Variants in ANAPC1 observed in about 807,000 individuals in gnomAD.
ANAPC1 encodes the protein anaphase promoting complex subunit 1.
In ANAPC1, 36 loss-of-function variants were observed where a neutral mutation model predicts 208.0. The observed-to-expected ratio is 0.17, with a 90% CI of 0.13 to 0.23. The LOEUF (loss-of-function observed/expected upper bound fraction) is 0.23, where lower values mean the gene tolerates loss of function less well. ANAPC1 is among the 10% of genes least tolerant of loss of function. The pLI is 1.00. For missense variants in ANAPC1, 942 were observed against 2,011.6 expected (o/e 0.47, Z 10.17); for synonymous variants, 378 against 695.2 (o/e 0.54, Z 7.18).
At chr2:111,859,471 C>CAATAAATA (rs369277541) in intron 10 of ANAPC1, among the ~76,000 whole-genome samples, 147 of 151,136 alleles carry the variant, frequency 9.7e-4, no homozygotes, top group African/African-American at 3.4e-3. Context: ...AACTCTATCT[C>CAATAAATA]AATAAATAAA....
rs960234351 is a variant in ANAPC1, at chr2:111,844,459, C to T, written c.1853-860G>A. On this transcript the variant is annotated intron_variant, in intron 16 of 47. Transcript: ENST00000341068. ...TGGCAGGCACCTGTAATCCCAGCTA[C>T]TCAGGAGGCTGAGGCAGGAGAATCG... 4.0e-5 allele frequency among the ~76,000 whole-genome samples: 6 copies of T among 151,656 alleles called. No homozygotes were observed. The South Asian group carries it at 1.0e-3, about 26-fold the overall frequency.
Position 111,809,197 on chromosome 2 carries a change from AACAAAT to A in ANAPC1, c.3598-22_3598-17del. ...TTTCATGGCCCTAAGATAGAAACAA[AACAAAT>A]ACATAGTTTAAAATAAAATACTGCC... On this transcript the variant is annotated splice_polypyrimidine_tract_variant and intron_variant, in intron 28 of 47. Transcript: ENST00000341068. 1 of 1,580,616 alleles carries A rather than the reference AACAAAT, an allele frequency of 6.3e-7. No individual in the cohort carries two copies. Among genetic ancestry groups the A allele is most frequent in the African/African-American group, 1.4e-5 (1 of 69,884 alleles).
intron 3 of ANAPC1, among the ~76,000 whole-genome samples, chr2:111,878,492 T>A (rs1683130268): frequency 6.6e-6 from 1 of 152,228 alleles, no homozygotes; most frequent in African/African-American, 2.4e-5. Context: ...ATAGTAATCA[T>A]GTGTTAAAAT....
chr2:111,798,258 C>A (rs945423380), intron 34 of ANAPC1, among the ~76,000 whole-genome samples: 8 of 151,912 alleles, frequency 5.3e-5, no homozygotes, highest in Middle Eastern at 3.4e-3. Flanking sequence ...AATCTGATTC[C>A]AAGTAAATTA....
At position 111,823,000 on chromosome 2, in the gene ANAPC1, C is replaced by CTTT. The variant is rs58815496; in HGVS notation, c.2813-403_2813-401dup. Among the ~76,000 whole-genome samples, 21 of 61,304 alleles carry CTTT rather than the reference C, an allele frequency of 3.4e-4. 2 individuals carry two copies. The highest frequency in any genetic ancestry group is 9.9e-4 in the African/African-American group (14 of 14,086). The allele number at this position is 61,304 out of a possible 152,430, so 40.2% of individuals were successfully genotyped here. A position where few individuals can be genotyped will look rare whatever the true frequency, so the allele number is the denominator to read the frequency against. Reference sequence around the variant, plus strand: ...TAGAGCAATAATAATTCTTTTTATTCTTTTTTTTTTTTTTTTTTTTTTTTT... The same window carrying CTTT: ...TAGAGCAATAATAATTCTTTTTATTCTTTTTTTTTTTTTTTTTTTTTTTTTTTT... On this transcript the variant is annotated intron_variant, in intron 24 of 47. Transcript: ENST00000341068.
Position 111,831,362 on chromosome 2 carries a change from G to C in ANAPC1, c.2549C>G (p.Ser850Cys). 1 of 1,611,810 alleles carries C rather than the reference G, an allele frequency of 6.2e-7. No homozygotes were observed. The part of the protein sequence containing the change: ...EPPSIYQWVS[S>C]CLKGEGMPPY... ...TGGCATTCCTTCACCCTTCAGACAA[G>C]AACTCACCCACTGATAAATACTTGG... The change falls in exon 21 of 48, where the codon TCT becomes TGT. Residue 850 changes from serine (S) to cysteine (C), a missense_variant. Physicochemically the swap from Ser to Cys is moderately radical, Grantham distance 112 (BLOSUM62 -1). Transcript: ENST00000341068.
intron 21 of ANAPC1, among the ~76,000 whole-genome samples, chr2:111,830,373 A>C (rs1468849381): frequency 6.6e-6 from 1 of 152,106 alleles, no homozygotes. Flanking sequence ...ACATGTTATA[A>C]AAGATTAACA....
Position 111,864,741 on chromosome 2 carries a change from G to A in ANAPC1, c.831+65C>T, listed in dbSNP as rs191035017. ...GCCTCCCAAAATGCTAGGATTACAG[G>A]TGTGAGCCAGTGCACCCAGCCTACC... On this transcript the variant is annotated intron_variant, in intron 8 of 47. Transcript: ENST00000341068. The A allele has an allele frequency of 2.5e-6, 4 of 1,603,482 alleles. No homozygotes were observed. In the African/African-American group the frequency reaches 4.0e-5, roughly 16 times the overall value.
At position 111,879,006 on chromosome 2, in the gene ANAPC1, A is replaced by G. The variant is rs373388877; in HGVS notation, c.214-35T>C. On this transcript the variant is annotated intron_variant, in intron 2 of 47. Coordinates refer to ENST00000341068, the MANE Select transcript of ANAPC1 (RefSeq NM_022662.4). Reference sequence around the variant, plus strand: ...TAACACATGTAAAACATATTCAAGCACTCTTTTTTTGTTCTTCAAAAATCT... The same window carrying G: ...TAACACATGTAAAACATATTCAAGCGCTCTTTTTTTGTTCTTCAAAAATCT... 9.4e-5 allele frequency: 148 copies of G among 1,581,424 alleles called. No homozygotes were observed. The East Asian group carries it at 2.9e-3, about 31-fold the overall frequency.
chr2:111,845,444 A>T (rs770317492), intron 16 of ANAPC1, among the ~76,000 whole-genome samples: 4 of 152,132 alleles, frequency 2.6e-5, no homozygotes, highest in Non-Finnish European at 4.4e-5. Context: ...ATACCAAATA[A>T]CCAAGTATGT....
rs1573473408 is a variant in ANAPC1 at position 111,856,594 on chromosome 2, A to C, written c.1515+20T>G. ...AGCCTGAAGTCCTACTAAAGGCATGAAGTGCTACTTATTGCTTACCCGAAC... is the reference window on the plus strand; with the variant it reads ...AGCCTGAAGTCCTACTAAAGGCATGCAGTGCTACTTATTGCTTACCCGAAC... On this transcript the variant is annotated intron_variant, in intron 13 of 47. Coordinates refer to ENST00000341068, the MANE Select transcript of ANAPC1 (RefSeq NM_022662.4). The C allele has an allele frequency of 6.2e-7, 1 of 1,605,672 alleles. No individual in the cohort carries two copies. Among genetic ancestry groups the C allele is most frequent in the South Asian group, 1.1e-5 (1 of 90,676 alleles).
chr2:111,831,577 C>T (rs1346075305), intron 20 of ANAPC1, 143 bp from the exon 21 acceptor site: 10 of 761,754 alleles, frequency 1.3e-5, no homozygotes, highest in South Asian at 3.7e-5. Flanking sequence ...CAGTGGCTCA[C>T]GCCTGTAACC....
intron 21 of ANAPC1, 48 bp downstream of exon 21, chr2:111,831,238 A>C: frequency 1.3e-6 from 2 of 1,544,710 alleles, no homozygotes; most frequent in South Asian, 1.3e-5. Flanking sequence ...TTTTAAAACT[A>C]AATTTTAAAA....
rs59936647 is a variant in ANAPC1 at position 111,776,295 on chromosome 2, G to A, written c.5584+564C>T. ...TTTCCATAAATCTAAAGGCCCCATC[G>A]CTTGCCTCATGTAAGTCAGAATCAC... On this transcript the variant is annotated intron_variant, in intron 46 of 47. Coordinates refer to ENST00000341068, the MANE Select transcript of ANAPC1 (RefSeq NM_022662.4). Among the ~76,000 whole-genome samples the A allele has an allele frequency of 4.8e-3, 726 of 150,742 alleles. 22 individuals carry two copies. In the East Asian group the frequency reaches 0.08, roughly 17 times the overall value.
intron 1 of ANAPC1, among the ~76,000 whole-genome samples, chr2:111,883,268 A>C (rs1484414909): frequency 6.6e-6 from 1 of 151,642 alleles, no homozygotes; most frequent in African/African-American, 2.4e-5. Context: ...AACCAACATC[A>C]ACGAACTTTT....
chr2:111,855,681 T>C (rs1015969873), intron 13 of ANAPC1, among the ~76,000 whole-genome samples: 1 of 152,174 alleles, frequency 6.6e-6, no homozygotes, highest in Admixed American at 6.5e-5. Flanking sequence ...TAGTGATACA[T>C]ACATAACTGT....
rs1192157129 is a variant in ANAPC1 at position 111,792,766 on chromosome 2, C to A, written c.4519-211G>T. On this transcript the variant is annotated intron_variant, in intron 37 of 47. Transcript: ENST00000341068. The stretch of plus-strand genomic sequence containing the variant: ...AGGAGATCGAGACCATCCCGGCTAA[C>A]ATGGTGAAACCCCGTCTCTACTAAA... Among the ~76,000 whole-genome samples the A allele has an allele frequency of 2.6e-5, 4 of 151,832 alleles. No individual in the cohort carries two copies. The East Asian group carries it at 7.8e-4, about 29-fold the overall frequency.
chr2:111,842,538 G>C (rs984425363), intron 17 of ANAPC1, among the ~76,000 whole-genome samples: 8 of 151,686 alleles, frequency 5.3e-5, no homozygotes, highest in East Asian at 1.9e-4. Flanking sequence ...GGCTACTCGG[G>C]AGGCTGAGGC....
At chr2:111,807,515 C>A (rs1379959652) in intron 29 of ANAPC1, among the ~76,000 whole-genome samples, 1 of 151,822 alleles carries the variant, frequency 6.6e-6, no homozygotes, top group East Asian at 1.9e-4. Flanking sequence ...CACCATGAAA[C>A]CCTGTCTCTA....
Sources: allele counts gnomAD v4.1 joint callset (sites outside exome capture counted in the v4.1 genomes callset), GRCh38; gene constraint gnomAD v4.1.1; transcripts MANE v1.5; gene names NCBI Gene and HGNC (gene_info 2026-07-23, HGNC 2026-07-21).